RASA2: variants seen among roughly 807,000 people sequenced by gnomAD.
The protein encoded by RASA2 is ras GTPase-activating protein 2.
RASA2 carries 155 observed loss-of-function variants against 118.2 expected under a neutral mutation model. The ratio of observed to expected loss-of-function variants is 1.31; its 90% CI spans 1.15 to 1.50. The LOEUF (loss-of-function observed/expected upper bound fraction) is 1.50, where lower values mean the gene tolerates loss of function less well. Among genes scored for constraint, RASA2 ranks in the 40% most tolerant of loss-of-function variants. The pLI, the probability that RASA2 is intolerant of heterozygous loss-of-function variation, is 0.00. For synonymous variants in RASA2, 353 were observed against 349.1 expected (o/e 1.01, Z -0.12); for missense variants, 1,016 against 1,009.6 (o/e 1.01, Z -0.09).
chr3:141,606,004 T>C (rs892832815), intron 19 of RASA2, among the ~76,000 whole-genome samples: 6 of 152,164 alleles, frequency 3.9e-5, no homozygotes, highest in Admixed American at 2.0e-4. Context: ...TGTGAATATA[T>C]GCCTCTGTTG....
At chr3:141,583,736 A>C (rs72990347) in intron 17 of RASA2, among the ~76,000 whole-genome samples, 343 of 152,346 alleles carry the variant, frequency 2.3e-3, no homozygotes, top group African/African-American at 7.9e-3. Context: ...ATTGTCAGCC[A>C]GTCTTAGGAG....
chr3:141,548,349 A>G (rs2082518989), intron 5 of RASA2, among the ~76,000 whole-genome samples: 1 of 152,074 alleles, frequency 6.6e-6, no homozygotes, highest in South Asian at 2.1e-4. Flanking sequence ...TGTGGCTTCA[A>G]TTTCATTACT....
chr3:141,590,660 C>G (rs985836156), intron 19 of RASA2, among the ~76,000 whole-genome samples: 1 of 152,202 alleles, frequency 6.6e-6, no homozygotes, highest in Non-Finnish European at 1.5e-5. Flanking sequence ...TCTTTTGCTA[C>G]ACTTACTATG....
rs867717059 is a variant in RASA2, at chr3:141,567,273, C to T, written c.864-3639C>T. 5.3e-5 allele frequency among the ~76,000 whole-genome samples: 8 copies of T among 151,686 alleles called. No individual in the cohort carries two copies. The East Asian group carries it at 5.8e-4, about 11-fold the overall frequency. On this transcript the variant is annotated intron_variant, in intron 9 of 23. Coordinates refer to ENST00000286364, the MANE Select transcript of RASA2 (RefSeq NM_006506.5). ...TCTACTAAAAATACAAAAATTAGCC[C>T]GGTGTGGTGGCCCGCGCCTGTAGTC...
In RASA2 at chr3:141,512,297, G is replaced by A; in HGVS notation, c.251+17G>A. ...ATCTTTAAGGTTGGTAGAAAAAATT[G>A]GTAAATTATAATTTTTACTATATAG... On this transcript the variant is annotated intron_variant, in intron 2 of 23. Transcript: ENST00000286364. 1.3e-6 allele frequency: 2 copies of A among 1,496,924 alleles called. No homozygotes were observed. The highest frequency in any genetic ancestry group is 1.4e-5 in the African/African-American group (1 of 70,354). 92.7% of individuals were successfully genotyped at this position (1,496,924 alleles called of 1,614,324 possible). A position where few individuals can be genotyped will look rare whatever the true frequency, so the allele number is the denominator to read the frequency against.
intron 1 of RASA2, among the ~76,000 whole-genome samples, chr3:141,494,399 A>G (rs1175940150): frequency 1.3e-5 from 2 of 152,242 alleles, no homozygotes; most frequent in Non-Finnish European, 2.9e-5. Context: ...GCACTTTTAA[A>G]TGAGAGTGAG....
intron 2 of RASA2, among the ~76,000 whole-genome samples, chr3:141,512,602 G>A (rs1347912143): frequency 3.9e-5 from 6 of 152,142 alleles, no homozygotes; most frequent in African/African-American, 9.7e-5. Flanking sequence ...CATTATCAGG[G>A]AATGAATTCT....
intron 3 of RASA2, among the ~76,000 whole-genome samples, chr3:141,521,174 G>A (rs2082106581): frequency 6.6e-6 from 1 of 152,184 alleles, no homozygotes; most frequent in Non-Finnish European, 1.5e-5. Context: ...AGCTAGAGAT[G>A]TAGATTTGAG....
chr3:141,536,068 G>A, intron 4 of RASA2, among the ~76,000 whole-genome samples: 1 of 152,266 alleles, frequency 6.6e-6, no homozygotes, highest in Middle Eastern at 3.4e-3. Context: ...AATAAAGTTA[G>A]CGTATAAAAT....
chr3:141,579,462 GA>G (rs2083067551), intron 15 of RASA2: 1 of 152,066 alleles, frequency 6.6e-6, no homozygotes, highest in Non-Finnish European at 1.5e-5. Flanking sequence ...AAACCTCTTG[GA>G]TAATAGACCC....
chr3:141,601,774 A>G (rs2083468297), intron 19 of RASA2, among the ~76,000 whole-genome samples: 1 of 151,832 alleles, frequency 6.6e-6, no homozygotes, highest in East Asian at 1.9e-4. Flanking sequence ...ATTTCTTCAA[A>G]TTTCTCCCCT....
At chr3:141,519,645 T>C (rs183265245) in intron 3 of RASA2, among the ~76,000 whole-genome samples, 1 of 152,328 alleles carries the variant, frequency 6.6e-6, no homozygotes, top group Admixed American at 6.5e-5. Context: ...CATGGTGGTG[T>C]ATTTTTTTAG....
intron 19 of RASA2, among the ~76,000 whole-genome samples, chr3:141,595,961 A>C (rs1029876191): frequency 8.5e-5 from 13 of 152,236 alleles, no homozygotes; most frequent in Admixed American, 2.6e-4. Context: ...CAATTGTTAG[A>C]GGAGCTGAGC....
chr3:141,607,735 A>AAG lies in RASA2; in HGVS notation c.1996_1997dup (p.Ser666ArgfsTer12). 6.3e-7 allele frequency: 1 copy of AAG among 1,598,884 alleles called. No individual in the cohort carries two copies. Among genetic ancestry groups the AAG allele is most frequent in the Non-Finnish European group, 8.5e-7 (1 of 1,173,438 alleles). On this transcript the variant is annotated frameshift_variant, in exon 20 of 24. Coordinates refer to ENST00000286364, the MANE Select transcript of RASA2 (RefSeq NM_006506.5). LOFTEE classifies it high-confidence loss of function. ...AACATTCTTGCTGTGGAAAAACTGGAAGAGAGCTCTTTCAACAAGAAAAAT... is the reference window on the plus strand; with the variant it reads ...AACATTCTTGCTGTGGAAAAACTGGAAGAGAGAGCTCTTTCAACAAGAAAAAT...
At chr3:141,542,972 T>TA (rs1225368534) in intron 5 of RASA2, among the ~76,000 whole-genome samples, 4 of 152,146 alleles carry the variant, frequency 2.6e-5, no homozygotes, top group Admixed American at 6.5e-5. Flanking sequence ...GTCACTTTTT[T>TA]AAAAAAATCA....
At chr3:141,567,940 TGA>T (rs1265692368) in intron 9 of RASA2, among the ~76,000 whole-genome samples, 3 of 152,152 alleles carry the variant, frequency 2.0e-5, no homozygotes, top group South Asian at 2.1e-4. Context: ...AACAGAGGAC[TGA>T]GAGAGAGAAT....
At position 141,573,179 on chromosome 3, in the gene RASA2, TC is replaced by T; in HGVS notation, c.1319del (p.Pro440LeufsTer4). On this transcript the variant is annotated frameshift_variant, in exon 13 of 24. Transcript: ENST00000286364. LOFTEE classifies it high-confidence loss of function. ...CDSSKSCEID[P>X]IKLKEGDNVE... ...ACTCCTCAAAATCCTGTGAAATCGA[TC>T]CTATTAAATTGAAAGAGGGAGATAA... 1 of 1,541,842 alleles carries T rather than the reference TC, an allele frequency of 6.5e-7. No homozygotes were observed. The highest frequency in any genetic ancestry group is 8.7e-7 in the Non-Finnish European group (1 of 1,154,526).
chr3:141,532,013 A>G (rs142237192), intron 4 of RASA2, among the ~76,000 whole-genome samples: 1 of 152,264 alleles, frequency 6.6e-6, no homozygotes, highest in African/African-American at 2.4e-5. Context: ...GGTGAAAGCT[A>G]TGAAACAGAT....
chr3:141,592,544 A>T (rs2083302525), intron 19 of RASA2, among the ~76,000 whole-genome samples: 1 of 152,190 alleles, frequency 6.6e-6, no homozygotes, highest in Non-Finnish European at 1.5e-5. Flanking sequence ...AGGGTAACTT[A>T]TGTCTGTGGA....
Sources: allele counts gnomAD v4.1 joint callset (sites outside exome capture counted in the v4.1 genomes callset), GRCh38; gene constraint gnomAD v4.1.1; transcripts MANE v1.5; gene names NCBI Gene and HGNC (gene_info 2026-07-23, HGNC 2026-07-21).